ASB18: variants seen among roughly 807,000 people sequenced by gnomAD.
The protein encoded by ASB18 is ankyrin repeat and SOCS box containing 18.
Under a neutral mutation model 33.4 loss-of-function variants are expected in ASB18, and 33 were observed. The ratio of observed to expected loss-of-function variants is 0.99; its 90% CI spans 0.75 to 1.32. ASB18 has a LOEUF of 1.32. Among genes scored for constraint, ASB18 ranks in the 40% most tolerant of loss-of-function variants. ASB18 has a pLI of 0.00. For missense variants in ASB18, 694 were observed against 655.5 expected (o/e 1.06, Z -0.64); for synonymous variants, 295 against 307.6 (o/e 0.96, Z 0.43).
rs1320515517 is a variant in ASB18, at chr2:236,194,222, G to T, written c.*650C>A. Among the ~76,000 whole-genome samples, 1 of 152,208 alleles carries T rather than the reference G, an allele frequency of 6.6e-6. No individual in the cohort carries two copies. The highest frequency in any genetic ancestry group is 1.9e-4 in the East Asian group (1 of 5,206). On this transcript the variant is annotated 3_prime_UTR_variant, in exon 6 of 6. Transcript: ENST00000409749. This position sits in a 1 kb window ranked among gnomAD's most constrained non-coding sequence, Gnocchi z 4.5. ...GGTGACTGTTCTGAACTTCGTGGTG[G>T]TAGGAGGTGCTCCTGACAAGGTTCG... is the stretch of plus-strand genomic sequence containing the variant.
At chr2:236,202,792 A>AAT (rs1553599219) in intron 4 of ASB18, among the ~76,000 whole-genome samples, 1 of 114,126 alleles carries the variant, frequency 8.8e-6, no homozygotes, top group African/African-American at 4.1e-5. Context: ...AAAAAAAAAA[A>AAT]AAATATATAT....
chr2:236,222,730 C>T lies in ASB18; in HGVS notation c.597-7864G>A, dbSNP rs1264168438. Among the ~76,000 whole-genome samples the T allele has an allele frequency of 7.2e-5, 11 of 152,130 alleles. No homozygotes were observed. The highest frequency in any genetic ancestry group is 1.7e-4 in the African/African-American group (7 of 41,424). On this transcript the variant is annotated intron_variant, in intron 3 of 5. Transcript: ENST00000409749. The surrounding 1 kb of genome is among the most constrained non-coding windows in gnomAD (Gnocchi z 5.5). Reference sequence around the variant, plus strand: ...CATGGGTGATCTGGCTGTTTAAAAGCATGTGGCAGCCAGGTGTGGTGGCTC... The same window carrying T: ...CATGGGTGATCTGGCTGTTTAAAAGTATGTGGCAGCCAGGTGTGGTGGCTC...
At position 236,221,669 on chromosome 2, in the gene ASB18, C is replaced by T. The variant is rs563494632; in HGVS notation, c.597-6803G>A. ...GTCTCAGGTATGTCTTTATCAGAAG[C>T]GTGAAAACGGACTAATACAGCATCT... is the stretch of plus-strand genomic sequence containing the variant. On this transcript the variant is annotated intron_variant, in intron 3 of 5. Coordinates refer to ENST00000409749, the MANE Select transcript of ASB18 (RefSeq NM_212556.4). The surrounding 1 kb of genome is among the most constrained non-coding windows in gnomAD (Gnocchi z 5.6). Among the ~76,000 whole-genome samples the T allele has an allele frequency of 1.0e-3, 157 of 152,254 alleles. No homozygotes were observed. Among genetic ancestry groups the T allele is most frequent in the African/African-American group, 3.6e-3 (149 of 41,546 alleles).
rs2060506708 is a variant in ASB18, at chr2:236,220,660, T to G, written c.597-5794A>C. Reference sequence around the variant, plus strand: ...ATTGAGGCTTAAAAGGCCAGTGACATGCATAAGGCAGGAAGTGGCAAAGCA... The same window carrying G: ...ATTGAGGCTTAAAAGGCCAGTGACAGGCATAAGGCAGGAAGTGGCAAAGCA... On this transcript the variant is annotated intron_variant, in intron 3 of 5. Transcript: ENST00000409749. This position sits in a 1 kb window ranked among gnomAD's most constrained non-coding sequence, Gnocchi z 5.1. Among the ~76,000 whole-genome samples, 2 of 151,950 alleles carry G rather than the reference T, an allele frequency of 1.3e-5. No homozygotes were observed. Among genetic ancestry groups the G allele is most frequent in the Admixed American group, 6.6e-5 (1 of 15,250 alleles).
rs35828724 is a variant in ASB18 at position 236,220,553 on chromosome 2, C to CT, written c.597-5688dup. 1.2e-3 allele frequency among the ~76,000 whole-genome samples: 173 copies of CT among 144,248 alleles called. No individual in the cohort carries two copies. Among genetic ancestry groups the CT allele is most frequent in the East Asian group, 3.0e-3 (15 of 4,942 alleles). 94.6% of individuals were successfully genotyped at this position (144,248 alleles called of 152,430 possible). A position where few individuals can be genotyped will look rare whatever the true frequency, so the allele number is the denominator to read the frequency against. ...TCTTTTGGATTCCCCAGTACTTGGC[C>CT]TTTTTTTTTTTTTTTAAACAACTAT... is the stretch of plus-strand genomic sequence containing the variant. On this transcript the variant is annotated intron_variant, in intron 3 of 5. Transcript: ENST00000409749. The surrounding 1 kb of genome is among the most constrained non-coding windows in gnomAD (Gnocchi z 5.1).
At position 236,196,466 on chromosome 2, in the gene ASB18, G is replaced by T; in HGVS notation, c.1102-81C>A. The T allele has an allele frequency of 1.3e-6, 1 of 745,764 alleles. No homozygotes were observed. The highest frequency in any genetic ancestry group is 1.6e-5 in the South Asian group (1 of 63,614). The allele number at this position is 745,764 out of a possible 1,614,324, so 46.2% of individuals were successfully genotyped here. ...GGGGAAAGGGTGGGGGGTGTGGGGGGATGCTCTCCCTAGCTGTGTGACCTC... is the reference window on the plus strand; with the variant it reads ...GGGGAAAGGGTGGGGGGTGTGGGGGTATGCTCTCCCTAGCTGTGTGACCTC... On this transcript the variant is annotated intron_variant, in intron 4 of 5. Coordinates refer to ENST00000409749, the MANE Select transcript of ASB18 (RefSeq NM_212556.4). The surrounding 1 kb of genome is among the most constrained non-coding windows in gnomAD (Gnocchi z 5.6).
Position 236,214,670 on chromosome 2 carries a change from T to TCCGCGCCGCACCG in ASB18, c.780_792dup (p.Pro266CysfsTer140). 1 of 1,143,642 alleles carries TCCGCGCCGCACCG rather than the reference T, an allele frequency of 8.7e-7. No homozygotes were observed. Among genetic ancestry groups the TCCGCGCCGCACCG allele is most frequent in the Non-Finnish European group, 1.1e-6 (1 of 932,934 alleles). The allele number at this position is 1,143,642 out of a possible 1,614,324, so 70.8% of individuals were successfully genotyped here. A position where few individuals can be genotyped will look rare whatever the true frequency, so the allele number is the denominator to read the frequency against. ...AGGCAGCGCCCGTGCTCGTCGGGCC[T>TCCGCGCCGCACCG]CCGCGCCGCACCGCAGGCCGCGCTC... On this transcript the variant is annotated frameshift_variant, in exon 4 of 6. Transcript: ENST00000409749. LOFTEE classifies it high-confidence loss of function. This position sits in a 1 kb window ranked among gnomAD's most constrained non-coding sequence, Gnocchi z 6.5.
chr2:236,254,271 A>T (rs1015906085), intron 1 of ASB18: 1 of 152,290 alleles, frequency 6.6e-6, no homozygotes, highest in Non-Finnish European at 1.5e-5. Flanking sequence ...GAAGTGTTAC[A>T]TGAGCATCTC....
chr2:236,199,343 C>T (rs969415885), intron 4 of ASB18, among the ~76,000 whole-genome samples: 14 of 147,804 alleles, frequency 9.5e-5, no homozygotes, highest in African/African-American at 2.7e-4. Context: ...ACCCGGGAGG[C>T]GGAGTTTGCA....
At chr2:236,236,222 G>A (rs2060588117) in intron 3 of ASB18, among the ~76,000 whole-genome samples, 5 of 152,114 alleles carry the variant, frequency 3.3e-5, no homozygotes, top group South Asian at 4.1e-4. Context: ...AATGAACTAC[G>A]GACACACACA....
chr2:236,260,108 A>G lies in ASB18; in HGVS notation c.205+4033T>C, dbSNP rs1205729988. 6.6e-6 allele frequency among the ~76,000 whole-genome samples: 1 copy of G among 152,254 alleles called. No homozygotes were observed. Among genetic ancestry groups the G allele is most frequent in the Non-Finnish European group, 1.5e-5 (1 of 68,046 alleles). ...CAAGAGGCAAGGTCCTCAAGTGATC[A>G]TGTTAACATGCAGAGCGAATGGTTA... On this transcript the variant is annotated intron_variant, in intron 1 of 5. Coordinates refer to ENST00000409749, the MANE Select transcript of ASB18 (RefSeq NM_212556.4). This position sits in a 1 kb window ranked among gnomAD's most constrained non-coding sequence, Gnocchi z 5.1.
chr2:236,251,403 T>C lies in ASB18; in HGVS notation c.206-10001A>G, dbSNP rs1266781237. On this transcript the variant is annotated intron_variant, in intron 1 of 5. Transcript: ENST00000409749. This position sits in a 1 kb window ranked among gnomAD's most constrained non-coding sequence, Gnocchi z 5.3. ...TTTACAACTGGCGTGGGGATTTAAT[T>C]ACATGATAAAATTGCAGCTCCTGCC... Among the ~76,000 whole-genome samples, 1 of 152,216 alleles carries C rather than the reference T, an allele frequency of 6.6e-6. No individual in the cohort carries two copies. The highest frequency in any genetic ancestry group is 1.5e-5 in the Non-Finnish European group (1 of 68,034).
In ASB18 at chr2:236,252,857, C is replaced by A. The variant is rs1411164248; in HGVS notation, c.205+11284G>T. On this transcript the variant is annotated intron_variant, in intron 1 of 5. Transcript: ENST00000409749. The surrounding 1 kb of genome is among the most constrained non-coding windows in gnomAD (Gnocchi z 7.9). ...GAGGACTTGTCACCCCAGCTGTCAG[C>A]TCCTCCATGGTTTGCCTCAGCTGCA... Among the ~76,000 whole-genome samples, 1 of 152,198 alleles carries A rather than the reference C, an allele frequency of 6.6e-6. No homozygotes were observed. The highest frequency in any genetic ancestry group is 2.4e-5 in the African/African-American group (1 of 41,450).
chr2:236,216,240 T>C lies in ASB18; in HGVS notation c.597-1374A>G, dbSNP rs1402047986. On this transcript the variant is annotated intron_variant, in intron 3 of 5. Coordinates refer to ENST00000409749, the MANE Select transcript of ASB18 (RefSeq NM_212556.4). This position sits in a 1 kb window ranked among gnomAD's most constrained non-coding sequence, Gnocchi z 6.1. Reference sequence around the variant, plus strand: ...TTTCAGTGTTAAGGCCACCTCCTCATGCCTTGCTCTCCACTAACCACTCCT... The same window carrying C: ...TTTCAGTGTTAAGGCCACCTCCTCACGCCTTGCTCTCCACTAACCACTCCT... Among the ~76,000 whole-genome samples, 3 of 152,230 alleles carry C rather than the reference T, an allele frequency of 2.0e-5. No homozygotes were observed. The East Asian group carries it at 5.8e-4, about 29-fold the overall frequency.
At chr2:236,243,329 C>CAAA (rs34711903) in intron 1 of ASB18, among the ~76,000 whole-genome samples, 1 of 109,112 alleles carries the variant, frequency 9.2e-6, no homozygotes, top group African/African-American at 3.3e-5. Context: ...GACTCCATCT[C>CAAA]AAAAAAAAAA....
rs1436655309 is a variant in ASB18 at position 236,255,049 on chromosome 2, G to T, written c.205+9092C>A. ...CATTTGCGTTCCGCCGCGACTGAAA[G>T]CTTCCTGAAGTCTCCCCAGAAGCCG... On this transcript the variant is annotated intron_variant, in intron 1 of 5. Coordinates refer to ENST00000409749, the MANE Select transcript of ASB18 (RefSeq NM_212556.4). The surrounding 1 kb of genome is among the most constrained non-coding windows in gnomAD (Gnocchi z 4.4). Among the ~76,000 whole-genome samples, 2 of 152,182 alleles carry T rather than the reference G, an allele frequency of 1.3e-5. No individual in the cohort carries two copies. The highest frequency in any genetic ancestry group is 4.8e-5 in the African/African-American group (2 of 41,438).
At chr2:236,212,378 G>A (rs1232728681) in intron 4 of ASB18, among the ~76,000 whole-genome samples, 3 of 152,152 alleles carry the variant, frequency 2.0e-5, no homozygotes, top group Non-Finnish European at 4.4e-5. Flanking sequence ...AGGGGTCAGA[G>A]GTCCTGTTCC....
intron 4 of ASB18, among the ~76,000 whole-genome samples, chr2:236,201,930 GC>G (rs2060405175): frequency 6.9e-6 from 1 of 145,180 alleles, no homozygotes; most frequent in South Asian, 2.2e-4. Context: ...ATTTTTTTTT[GC>G]CAGAATTATC....
Position 236,237,337 on chromosome 2 carries a change from G to GGGGGCC in ASB18, c.596+346_596+351dup, listed in dbSNP as rs1233876173. Among the ~76,000 whole-genome samples, 3 of 67,614 alleles carry GGGGGCC rather than the reference G, an allele frequency of 4.4e-5. No individual in the cohort carries two copies. Among genetic ancestry groups the GGGGGCC allele is most frequent in the African/African-American group, 1.3e-4 (3 of 23,716 alleles). 44.4% of individuals were successfully genotyped at this position (67,614 alleles called of 152,430 possible). ...GCAATCAAGCGCTAATTAAACCCGC[G>GGGGGCC]GGGGCCGGGGCCGGGGCGCGGGGCG... On this transcript the variant is annotated intron_variant, in intron 3 of 5. Transcript: ENST00000409749. The surrounding 1 kb of genome is among the most constrained non-coding windows in gnomAD (Gnocchi z 6.2).
Sources: gnomAD v4.1 joint callset for allele counts (sites outside exome capture counted in the v4.1 genomes callset) on GRCh38, gnomAD v4.1.1 for gene constraint, Gnocchi (gnomAD v3.1) non-coding constraint, MANE v1.5 for transcripts, NCBI Gene and HGNC (gene_info 2026-07-23, HGNC 2026-07-21) for gene names.